RNLS: variants seen among roughly 807,000 people sequenced by gnomAD.
RNLS encodes the protein renalase, FAD dependent amine oxidase, also known as renalase.
In RNLS, 39 loss-of-function variants were observed where a neutral mutation model predicts 39.8. The observed-to-expected ratio is 0.98, with a 90% CI of 0.76 to 1.28. The LOEUF (loss-of-function observed/expected upper bound fraction) is 1.28. Among genes scored for constraint, RNLS ranks in the 50% most tolerant of loss-of-function variants. RNLS has a pLI of 0.00. For missense variants in RNLS, 410 were observed against 413.3 expected, an observed-to-expected ratio of 0.99 and a Z score of 0.07; for synonymous variants, 147 against 150.7, an observed-to-expected ratio of 0.98 and a Z score of 0.18.
At chr10:88,344,239 T>G (rs10887807) in intron 5 of RNLS, among the ~76,000 whole-genome samples, 20,128 of 152,206 alleles carry the variant, frequency 0.13, 1,517 homozygotes, top group East Asian at 0.33. Context: ...ATCTCAGGGC[T>G]GGGGGATTTG....
chr10:88,575,193 ATAC>A (rs1376191409), intron 3 of RNLS, among the ~76,000 whole-genome samples: 4 of 92,628 alleles, frequency 4.3e-5, no homozygotes, highest in Admixed American at 1.2e-4. Context: ...TTATATATAT[ATAC>A]TATATATATA....
chr10:88,294,054 G>T (rs974319555), intron 6 of RNLS, among the ~76,000 whole-genome samples: 2 of 152,148 alleles, frequency 1.3e-5, no homozygotes, highest in African/African-American at 2.4e-5. Context: ...ACCATCTAAG[G>T]GTTGGAGGAA....
At chr10:88,199,178 G>A in the RNLS span, among the ~76,000 whole-genome samples, 2 of 152,104 alleles carry the variant, frequency 1.3e-5, no homozygotes, top group African/African-American at 2.4e-5. Context: ...ATGTCCCCAC[G>A]TCCTCCAATC....
the RNLS span, among the ~76,000 whole-genome samples, chr10:88,258,915 T>G: frequency 6.6e-6 from 1 of 152,186 alleles, no homozygotes; most frequent in Non-Finnish European, 1.5e-5. Flanking sequence ...GGCAACAAAG[T>G]GCAGTCTTTA....
At chr10:88,378,964 T>C (rs1851241558) in intron 4 of RNLS, among the ~76,000 whole-genome samples, 3 of 152,242 alleles carry the variant, frequency 2.0e-5, no homozygotes, top group Admixed American at 1.3e-4. Flanking sequence ...CATAGTCATT[T>C]ACTACCACTA....
chr10:88,579,368 G>A (rs1184204755), intron 3 of RNLS, among the ~76,000 whole-genome samples: 2 of 152,174 alleles, frequency 1.3e-5, no homozygotes, highest in Non-Finnish European at 2.9e-5. Context: ...GCAGGGGAAA[G>A]CTAGAGTGAT....
At chr10:88,475,142 CCTGGCATTCACTGTGGCTTTT>C (rs1322347812) in intron 4 of RNLS, among the ~76,000 whole-genome samples, 2 of 152,094 alleles carry the variant, frequency 1.3e-5, no homozygotes, top group Non-Finnish European at 2.9e-5. Context: ...ACAGGGCAGC[CCTGGCATTCACTGTGGCTTTT>C]CCAAGTATGA....
intron 5 of RNLS, among the ~76,000 whole-genome samples, chr10:88,358,120 A>G (rs1849339194): frequency 1.3e-5 from 2 of 152,220 alleles, no homozygotes; most frequent in African/African-American, 4.8e-5. Flanking sequence ...CACTACGCCA[A>G]TCTTACTAAT....
intron 4 of RNLS, among the ~76,000 whole-genome samples, chr10:88,544,804 A>G (rs1848215840): frequency 6.6e-6 from 1 of 152,168 alleles, no homozygotes; most frequent in African/African-American, 2.4e-5. Flanking sequence ...GTCTTCTTTC[A>G]TGGCTTTGGT....
intron 4 of RNLS, among the ~76,000 whole-genome samples, chr10:88,465,175 G>T (rs1843135593): frequency 6.6e-6 from 1 of 152,048 alleles, no homozygotes; most frequent in African/African-American, 2.4e-5. Flanking sequence ...TAGGCAATGA[G>T]CCCTTGTCAA....
chr10:88,564,340 C>A (rs1487672673), intron 4 of RNLS, among the ~76,000 whole-genome samples: 1 of 151,832 alleles, frequency 6.6e-6, no homozygotes, highest in Non-Finnish European at 1.5e-5. Flanking sequence ...CACACACACA[C>A]ACACACATGC....
the RNLS span, among the ~76,000 whole-genome samples, chr10:88,265,384 G>A: frequency 1.2e-5 from 1 of 83,838 alleles, no homozygotes; most frequent in Non-Finnish European, 2.3e-5. Context: ...TTCTAGTTCT[G>A]TGAAGAATGA....
chr10:88,409,768 T>C (rs1853542983), intron 4 of RNLS, among the ~76,000 whole-genome samples: 1 of 152,142 alleles, frequency 6.6e-6, no homozygotes, highest in Non-Finnish European at 1.5e-5. Context: ...ACTGGCAACT[T>C]TTGTTTTAAA....
intron 4 of RNLS, among the ~76,000 whole-genome samples, chr10:88,461,761 G>A (rs912915743): frequency 1.3e-5 from 2 of 151,990 alleles, no homozygotes; most frequent in South Asian, 4.2e-4. Flanking sequence ...ATAAAGTTTT[G>A]GAGATAAAAG....
At chr10:88,352,001 G>C (rs977401507) in intron 5 of RNLS, among the ~76,000 whole-genome samples, 2 of 152,116 alleles carry the variant, frequency 1.3e-5, no homozygotes, top group East Asian at 1.9e-4. Context: ...TTGGCTCTCT[G>C]TCTGTTATTG....
At chr10:88,227,678 G>A in the RNLS span, among the ~76,000 whole-genome samples, 1 of 152,194 alleles carries the variant, frequency 6.6e-6, no homozygotes, top group Admixed American at 6.5e-5. Flanking sequence ...AACCCTTTCT[G>A]GGTATGACTT....
intron 4 of RNLS, among the ~76,000 whole-genome samples, chr10:88,482,018 T>C (rs1844211071): frequency 6.6e-6 from 1 of 152,164 alleles, no homozygotes; most frequent in Non-Finnish European, 1.5e-5. Context: ...AAATCAGTCA[T>C]TAATTGCATA....
At chr10:88,180,707 C>A in the RNLS span, among the ~76,000 whole-genome samples, 4 of 151,970 alleles carry the variant, frequency 2.6e-5, no homozygotes. Flanking sequence ...TGGGGTATAC[C>A]TTTTTACCTA....
the RNLS span, among the ~76,000 whole-genome samples, chr10:88,177,734 G>T: frequency 6.6e-6 from 1 of 152,130 alleles, no homozygotes; most frequent in Non-Finnish European, 1.5e-5. Flanking sequence ...AGTTGCTTTC[G>T]CAGGGAAAGA....
Sources: gnomAD v4.1 joint callset for allele counts (sites outside exome capture counted in the v4.1 genomes callset) on GRCh38, gnomAD v4.1.1 for gene constraint, MANE v1.5 for transcripts, NCBI Gene and HGNC (gene_info 2026-07-23, HGNC 2026-07-21) for gene names.